WDR49: variants seen among roughly 807,000 people sequenced by gnomAD.
The protein encoded by WDR49 is cilia- and flagella-associated protein 337.
Under a neutral mutation model 119.5 loss-of-function variants are expected in WDR49, and 107 were observed. That is an observed-to-expected ratio of 0.90 (90% confidence interval 0.77 to 1.05). The LOEUF (loss-of-function observed/expected upper bound fraction) is 1.05, where lower values mean the gene tolerates loss of function less well. WDR49 is among the 50% of genes least tolerant of loss of function. The probability of loss-of-function intolerance (pLI) is 0.00; values close to 1 mark genes in which losing one functional copy is unlikely to be tolerated. For synonymous variants in WDR49, 425 were observed against 418.8 expected (o/e 1.01, Z -0.18); for missense variants, 1,240 against 1,220.5 (o/e 1.02, Z -0.24).
chr3:167,577,146 T>C (rs1224570120), intron 7 of WDR49, among the ~76,000 whole-genome samples: 3 of 152,174 alleles, frequency 2.0e-5, no homozygotes, highest in Non-Finnish European at 4.4e-5. Flanking sequence ...TTGCTTTAGA[T>C]TCAATAGACA....
chr3:167,516,048 G>T (rs1416932406), intron 16 of WDR49, among the ~76,000 whole-genome samples: 1 of 152,042 alleles, frequency 6.6e-6, no homozygotes, highest in Non-Finnish European at 1.5e-5. Flanking sequence ...CATGAAAATC[G>T]CCATACTGCC....
intron 9 of WDR49, among the ~76,000 whole-genome samples, chr3:167,558,649 C>A (rs539973742): frequency 6.6e-6 from 1 of 152,300 alleles, no homozygotes; most frequent in East Asian, 1.9e-4. Flanking sequence ...ATGGCTCTTA[C>A]CAAGTCCACC....
chr3:167,559,125 A>G (rs1713114540), intron 9 of WDR49, among the ~76,000 whole-genome samples: 1 of 152,088 alleles, frequency 6.6e-6, no homozygotes, highest in Non-Finnish European at 1.5e-5. Flanking sequence ...CCTTCCTCAC[A>G]CTAATGACTG....
chr3:167,486,628 TA>T (rs1262114461), intron 18 of WDR49, among the ~76,000 whole-genome samples: 4 of 151,982 alleles, frequency 2.6e-5, no homozygotes, highest in African/African-American at 9.7e-5. Context: ...AAACAGATTT[TA>T]AACAAATAAA....
intron 10 of WDR49, among the ~76,000 whole-genome samples, chr3:167,538,748 G>A (rs923174425): frequency 2.6e-4 from 40 of 152,114 alleles, no homozygotes; most frequent in African/African-American, 9.7e-4. Flanking sequence ...GCCATGAAAG[G>A]CCAGCATAGA....
At chr3:167,554,178 G>C (rs946382913) in intron 10 of WDR49, among the ~76,000 whole-genome samples, 1 of 152,074 alleles carries the variant, frequency 6.6e-6, no homozygotes, top group African/African-American at 2.4e-5. Context: ...TGGAAGAAAT[G>C]CTCCTCGAGA....
At chr3:167,555,414 T>C (rs935506222) in intron 9 of WDR49, among the ~76,000 whole-genome samples, 3 of 152,170 alleles carry the variant, frequency 2.0e-5, no homozygotes, top group African/African-American at 4.8e-5. Context: ...AATGAATACA[T>C]GTAAGTCAAG....
At chr3:167,559,268 C>G (rs907102104) in intron 9 of WDR49, among the ~76,000 whole-genome samples, 3 of 152,060 alleles carry the variant, frequency 2.0e-5, no homozygotes. Flanking sequence ...AGTCTAATAC[C>G]CAGTTATAGC....
At position 167,500,382 on chromosome 3, in the gene WDR49, C is replaced by T. The variant is rs1751516760; in HGVS notation, c.2885-83G>A. The T allele has an allele frequency of 2.0e-6, 3 of 1,512,318 alleles. No homozygotes were observed. In the East Asian group the frequency reaches 7.1e-5, roughly 36 times the overall value. The allele number at this position is 1,512,318 out of a possible 1,614,324, so 93.7% of individuals were successfully genotyped here. ...CTCCTTGGAAAGAGCCAGCACATTT[C>T]CAAGTTAACTTTTATAAATTTAACC... On this transcript the variant is annotated intron_variant, in intron 17 of 18. Coordinates refer to ENST00000682715, the MANE Select transcript of WDR49 (RefSeq NM_001366157.1).
At chr3:167,494,600 A>G (rs1458174093) in intron 18 of WDR49, among the ~76,000 whole-genome samples, 2 of 152,218 alleles carry the variant, frequency 1.3e-5, no homozygotes. Context: ...AAAATTGCCA[A>G]GTATTTTCTT....
At chr3:167,492,476 T>C (rs553286642) in intron 18 of WDR49, among the ~76,000 whole-genome samples, 2 of 152,244 alleles carry the variant, frequency 1.3e-5, no homozygotes, top group Non-Finnish European at 2.9e-5. Flanking sequence ...ATAGAAAATG[T>C]GGGGAATAGT....
rs746736143 is a variant in WDR49 at position 167,478,838 on chromosome 3, A to G, written c.*40T>C. On this transcript the variant is annotated 3_prime_UTR_variant, in exon 19 of 19. Transcript: ENST00000682715. ...TCTTGATGCTTTTTCTGCATTTTATATCTGTACCTTATGTAACAGTGAAGG... is the reference window on the plus strand; with the variant it reads ...TCTTGATGCTTTTTCTGCATTTTATGTCTGTACCTTATGTAACAGTGAAGG... The G allele has an allele frequency of 1.4e-5, 19 of 1,364,678 alleles. No homozygotes were observed. Among genetic ancestry groups the G allele is most frequent in the Admixed American group, 1.3e-4 (6 of 44,954 alleles). 84.5% of individuals were successfully genotyped at this position (1,364,678 alleles called of 1,614,324 possible).
intron 5 of WDR49, 102 bp downstream of exon 5, chr3:167,620,327 G>T (rs1261872228): frequency 6.8e-5 from 84 of 1,237,842 alleles, no homozygotes; most frequent in Non-Finnish European, 8.8e-5. Context: ...CCAATTATTG[G>T]TTTCTAGACT....
At chr3:167,588,495 C>T (rs1184757855) in intron 7 of WDR49, among the ~76,000 whole-genome samples, 1 of 152,062 alleles carries the variant, frequency 6.6e-6, no homozygotes, top group Non-Finnish European at 1.5e-5. Context: ...GATCATACGG[C>T]AGCTCAATTT....
At chr3:167,604,150 T>C (rs1715918452) in intron 6 of WDR49, 151 bp downstream of exon 6, 1 of 880,614 alleles carries the variant, frequency 1.1e-6, no homozygotes, top group South Asian at 1.9e-5. Flanking sequence ...TAATGCATCA[T>C]TATCAGACAT....
chr3:167,567,903 G>T (rs1262885779), intron 8 of WDR49, among the ~76,000 whole-genome samples: 1 of 152,134 alleles, frequency 6.6e-6, no homozygotes, highest in African/African-American at 2.4e-5. Flanking sequence ...CATTGTCCAG[G>T]CCTTCATGTT....
intron 2 of WDR49, among the ~76,000 whole-genome samples, chr3:167,647,714 A>G (rs1441014691): frequency 6.6e-6 from 1 of 152,218 alleles, no homozygotes; most frequent in African/African-American, 2.4e-5. Context: ...TGATGAATTG[A>G]CTGAGGCTGC....
In WDR49 at chr3:167,646,520, A is replaced by G. The variant is rs915744228; in HGVS notation, c.165+6741T>C. Among the ~76,000 whole-genome samples, 7 of 152,168 alleles carry G rather than the reference A, an allele frequency of 4.6e-5. No individual in the cohort carries two copies. The East Asian group carries it at 7.7e-4, about 17-fold the overall frequency. On this transcript the variant is annotated intron_variant, in intron 2 of 18. Coordinates refer to ENST00000682715, the MANE Select transcript of WDR49 (RefSeq NM_001366157.1). ...AAAGGGTTCGAAGCAGCATTGTCCAATGGAACTTTCTGCAATGATGAAAAT... is the reference window on the plus strand; with the variant it reads ...AAAGGGTTCGAAGCAGCATTGTCCAGTGGAACTTTCTGCAATGATGAAAAT...
intron 9 of WDR49, among the ~76,000 whole-genome samples, chr3:167,556,044 A>T (rs1395837928): frequency 6.6e-6 from 1 of 152,224 alleles, no homozygotes; most frequent in Non-Finnish European, 1.5e-5. Flanking sequence ...GAAATATAGC[A>T]TTATAATCTT....
Sources: allele counts gnomAD v4.1 joint callset (sites outside exome capture counted in the v4.1 genomes callset), GRCh38; gene constraint gnomAD v4.1.1; transcripts MANE v1.5; gene names NCBI Gene and HGNC (gene_info 2026-07-23, HGNC 2026-07-21).